OR3A3: variants seen among roughly 807,000 people sequenced by gnomAD.
OR3A3 encodes olfactory receptor 3A3.
For synonymous variants in OR3A3, 103 were observed against 163.9 expected (o/e 0.63, Z 2.84); for missense variants, 275 against 391.4 (o/e 0.70, Z 2.51).
At chr17:3,421,727 A>C (rs1336167995) in exon 3 of OR3A3, 4 of 596,606 alleles carry the variant, frequency 6.7e-6, no homozygotes, top group Non-Finnish European at 1.1e-5. Flanking sequence ...AATTACTTCT[A>C]TGATCCAAAC....
chr17:3,411,673 T>C (rs1015501157), intron 1 of OR3A3, among the ~76,000 whole-genome samples, 189 bp downstream of exon 1: 1 of 152,098 alleles, frequency 6.6e-6, no homozygotes, highest in African/African-American at 2.4e-5. Flanking sequence ...AGACTCCGTC[T>C]CAAAGAAAAA....
exon 3 of OR3A3, chr17:3,421,180 G>A (rs1244028295): frequency 1.9e-6 from 3 of 1,614,172 alleles, no homozygotes; most frequent in African/African-American, 2.7e-5. Flanking sequence ...CCAACTCAAT[G>A]AGCTGCTGCT....
At chr17:3,422,602 A>T (rs577299157) in exon 3 of OR3A3, 1 of 152,370 alleles carries the variant, frequency 6.6e-6, no homozygotes, top group South Asian at 2.1e-4. Flanking sequence ...GCTGCAACCC[A>T]GAGCATTTCC....
chr17:3,421,500 T>C, exon 3 of OR3A3: 1 of 1,541,568 alleles, frequency 6.5e-7, no homozygotes, highest in Non-Finnish European at 8.7e-7. Context: ...GCGCTCTGTG[T>C]CAGCTACTTG....
chr17:3,422,461 C>A (rs931184857), exon 3 of OR3A3: 13 of 152,202 alleles, frequency 8.5e-5, no homozygotes, highest in African/African-American at 2.9e-4. Context: ...ATACCCAATA[C>A]AACATTCTCC....
chr17:3,421,520 G>A (rs375267018), exon 3 of OR3A3: 31 of 1,526,806 alleles, frequency 2.0e-5, no homozygotes, highest in African/African-American at 1.1e-4. Context: ...GTGGGGAAGC[G>A]ATCACTGACC....
chr17:3,417,919 A>G (rs1190396060), intron 2 of OR3A3, among the ~76,000 whole-genome samples: 4 of 152,150 alleles, frequency 2.6e-5, no homozygotes, highest in African/African-American at 9.7e-5. Context: ...CAGTCTCTAG[A>G]AGCCGGTCTT....
At chr17:3,420,042 C>T (rs1264895326) in intron 2 of OR3A3, among the ~76,000 whole-genome samples, 1 of 152,158 alleles carries the variant, frequency 6.6e-6, no homozygotes, top group Non-Finnish European at 1.5e-5. Flanking sequence ...GCTGGGATTA[C>T]AGGCATGAGC....
At chr17:3,421,104 C>T (rs2072431224) in exon 3 of OR3A3, 1 of 1,614,160 alleles carries the variant, frequency 6.2e-7, no homozygotes, top group Non-Finnish European at 8.5e-7. Flanking sequence ...ACTTCTGTGG[C>T]CCCAATGAGG....
intron 2 of OR3A3, among the ~76,000 whole-genome samples, chr17:3,416,867 C>T (rs1253742709): frequency 1.3e-5 from 2 of 151,936 alleles, no homozygotes; most frequent in Non-Finnish European, 2.9e-5. Flanking sequence ...TTGAAATATA[C>T]AATAAATTAT....
intron 2 of OR3A3, 104 bp from the exon 3 acceptor site, chr17:3,420,476 G>A (rs967254326): frequency 6.5e-7 from 1 of 1,535,426 alleles, no homozygotes; most frequent in Non-Finnish European, 8.8e-7. Flanking sequence ...GAGGAGTGAG[G>A]GATGGCCTGG....
At chr17:3,418,625 A>T (rs892151959) in intron 2 of OR3A3, among the ~76,000 whole-genome samples, 5 of 152,196 alleles carry the variant, frequency 3.3e-5, no homozygotes, top group African/African-American at 1.2e-4. Context: ...AAGCAGTCAC[A>T]TCAACCATAC....
intron 2 of OR3A3, among the ~76,000 whole-genome samples, chr17:3,419,989 A>G (rs113620781): frequency 0.014 from 2,153 of 152,154 alleles, 19 homozygotes; most frequent in African/African-American, 0.022. Flanking sequence ...GGATGGTCTC[A>G]ATCTCCTGAC....
Position 3,417,043 on chromosome 17 carries a change from A to C in OR3A3, c.-6-3537A>C, listed in dbSNP as rs58742653. On this transcript the variant is annotated intron_variant, in intron 2 of 2. Coordinates refer to ENST00000641141, the Ensembl canonical transcript of OR3A3. Reference sequence around the variant, plus strand: ...CTCTACTAGAATTTTTCAATTTTCTATTGGGCTATGTTTATTTTCTCCCTG... The same window carrying C: ...CTCTACTAGAATTTTTCAATTTTCTCTTGGGCTATGTTTATTTTCTCCCTG... Among the ~76,000 whole-genome samples the C allele has an allele frequency of 9.1e-4, 138 of 152,004 alleles. 1 individual carries two copies. Among genetic ancestry groups the C allele is most frequent in the African/African-American group, 2.6e-3 (109 of 41,484 alleles).
chr17:3,424,029 C>T (rs1431718542), exon 3 of OR3A3: 2 of 151,116 alleles, frequency 1.3e-5, no homozygotes, highest in African/African-American at 4.9e-5. Context: ...TACTTCACAT[C>T]TGTAGAAACA....
exon 3 of OR3A3, chr17:3,421,153 C>G (rs143072792): frequency 6.2e-7 from 1 of 1,614,088 alleles, no homozygotes; most frequent in African/African-American, 1.3e-5. Context: ...GCTCTTCCAG[C>G]TCTCCTGCTC....
At chr17:3,421,223 C>G in exon 3 of OR3A3, 5 of 1,614,178 alleles carry the variant, frequency 3.1e-6, no homozygotes, top group Non-Finnish European at 4.2e-6. Flanking sequence ...GCTGTGGCAC[C>G]CTTGGTCTTC....
exon 3 of OR3A3, chr17:3,421,180 G>C: frequency 6.2e-7 from 1 of 1,614,172 alleles, no homozygotes; most frequent in African/African-American, 1.3e-5. Flanking sequence ...CCAACTCAAT[G>C]AGCTGCTGCT....
chr17:3,418,313 A>C (rs969693433), intron 2 of OR3A3, among the ~76,000 whole-genome samples: 7 of 152,054 alleles, frequency 4.6e-5, no homozygotes, highest in Non-Finnish European at 7.4e-5. Context: ...CCAGTTTTTC[A>C]TGAGAGGTTT....
Sources: gnomAD v4.1 joint callset for allele counts (sites outside exome capture counted in the v4.1 genomes callset) on GRCh38, gnomAD v4.1.1 for gene constraint, MANE v1.5 for transcripts, NCBI Gene and HGNC (gene_info 2026-07-23, HGNC 2026-07-21) for gene names.